MTUS1: variants seen among roughly 807,000 people sequenced by gnomAD.
MTUS1 encodes microtubule-associated tumor suppressor 1.
MTUS1 carries 109 observed loss-of-function variants against 120.8 expected under a neutral mutation model. The observed-to-expected ratio is 0.90, with a 90% confidence interval of 0.77 to 1.06. The LOEUF (loss-of-function observed/expected upper bound fraction) is 1.06. Among genes scored for constraint, MTUS1 ranks in the 50% least tolerant of loss-of-function variants. The pLI, the probability that MTUS1 is intolerant of heterozygous loss-of-function variation, is 0.00. For synonymous variants in MTUS1, 737 were observed against 550.5 expected (o/e 1.34, Z -4.74); for missense variants, 2,210 against 1,486.3 (o/e 1.49, Z -8.01).
chr8:17,703,209 C>T (rs565511172), intron 6 of MTUS1, among the ~76,000 whole-genome samples: 595 of 152,202 alleles, frequency 3.9e-3, no homozygotes, highest in Non-Finnish European at 6.6e-3. Context: ...TATAAATGGA[C>T]GTGCGAGTAG....
intron 8 of MTUS1, among the ~76,000 whole-genome samples, chr8:17,665,926 C>T (rs1467252702): frequency 6.6e-6 from 1 of 152,084 alleles, no homozygotes. Flanking sequence ...ACCCAGCCAG[C>T]CTGTCTTCCA....
chr8:17,656,012 T>C lies in MTUS1; in HGVS notation c.2959A>G (p.Thr987Ala). The C allele has an allele frequency of 5.6e-6, 9 of 1,614,036 alleles. No homozygotes were observed. Among genetic ancestry groups the C allele is most frequent in the Non-Finnish European group, 6.8e-6 (8 of 1,179,854 alleles). Residue 987 changes from threonine (T) to alanine (A), a missense_variant, in exon 9 of 15, where the codon ACA becomes GCA. By Grantham distance (58) the Thr-to-Ala change is moderately conservative. Coordinates refer to ENST00000693296, the MANE Select transcript of MTUS1 (RefSeq NM_001363059.2). ...KLEKARNELQ[T>A]VYEAFVQQHQ... ...TGCTGGACGAATGCTTCATACACTG[T>C]TTGTAACTCATTCCTGGCTTTTTCT...
intron 2 of MTUS1, among the ~76,000 whole-genome samples, chr8:17,748,428 C>T (rs2047933685): frequency 6.6e-6 from 1 of 152,164 alleles, no homozygotes. Flanking sequence ...AGCTTGGGAC[C>T]CACCAACTTT....
intron 2 of MTUS1, among the ~76,000 whole-genome samples, chr8:17,744,541 C>CT (rs1161400625): frequency 5.3e-5 from 8 of 152,112 alleles, no homozygotes; most frequent in Admixed American, 5.2e-4. Flanking sequence ...CTGCCTCAGC[C>CT]TCCTGAGTAG....
In MTUS1 at chr8:17,795,633, C is replaced by T. The variant is rs2052162227; in HGVS notation, c.-155+5428G>A. Among the ~76,000 whole-genome samples the T allele has an allele frequency of 2.0e-5, 3 of 152,160 alleles. No homozygotes were observed. In the South Asian group the frequency reaches 6.2e-4, roughly 32 times the overall value. Reference sequence around the variant, plus strand: ...TTTATTTATGTAGCTAATGTGTATACAAGAATATTCCTTTTATTCCTTTTT... The same window carrying T: ...TTTATTTATGTAGCTAATGTGTATATAAGAATATTCCTTTTATTCCTTTTT... On this transcript the variant is annotated intron_variant, in intron 1 of 14. Transcript: ENST00000693296.
At chr8:17,737,643 T>C (rs1314551017) in intron 3 of MTUS1, among the ~76,000 whole-genome samples, 1 of 152,130 alleles carries the variant, frequency 6.6e-6, no homozygotes. Context: ...GTGTGCCACT[T>C]GCCCAGCTAA....
chr8:17,775,587 T>C (rs1314396526), intron 1 of MTUS1, among the ~76,000 whole-genome samples: 1 of 152,238 alleles, frequency 6.6e-6, no homozygotes, highest in Non-Finnish European at 1.5e-5. Context: ...TTTGTTAAAA[T>C]CTTCAATGAA....
At chr8:17,743,882 C>A in intron 2 of MTUS1, 83 bp from the exon 3 acceptor site, 2 of 1,199,508 alleles carry the variant, frequency 1.7e-6, no homozygotes, top group Non-Finnish European at 2.4e-6. Flanking sequence ...TCCTCTAGGC[C>A]AAGGCAATTC....
intron 4 of MTUS1, chr8:17,721,969 T>A: frequency 6.7e-7 from 1 of 1,495,788 alleles, no homozygotes; most frequent in Non-Finnish European, 8.9e-7. Flanking sequence ...TCCCTCATGC[T>A]TGCTCTTAGT....
At chr8:17,661,596 A>G (rs116883363) in intron 8 of MTUS1, among the ~76,000 whole-genome samples, 1 of 152,270 alleles carries the variant, frequency 6.6e-6, no homozygotes, top group East Asian at 1.9e-4. Context: ...GGATACACAG[A>G]AGTCCTTTCC....
chr8:17,691,546 A>G (rs1440447126), intron 6 of MTUS1, among the ~76,000 whole-genome samples: 1 of 152,242 alleles, frequency 6.6e-6, no homozygotes, highest in African/African-American at 2.4e-5. Flanking sequence ...GACTGCTTTC[A>G]AGGAGGCTGA....
chr8:17,741,658 A>G (rs2047327858), intron 3 of MTUS1, among the ~76,000 whole-genome samples: 1 of 152,196 alleles, frequency 6.6e-6, no homozygotes, highest in Non-Finnish European at 1.5e-5. Context: ...GATCGCCTAC[A>G]TAAAAGGATT....
intron 6 of MTUS1, among the ~76,000 whole-genome samples, chr8:17,696,535 TA>T (rs997640308): frequency 2.0e-5 from 3 of 152,146 alleles, no homozygotes; most frequent in African/African-American, 7.2e-5. Flanking sequence ...ACTGTAGCTG[TA>T]AAATCATCTA....
In MTUS1 at chr8:17,667,971, C is replaced by T. The variant is rs568094447; in HGVS notation, c.2905+7215G>A. Among the ~76,000 whole-genome samples the T allele has an allele frequency of 3.9e-5, 6 of 152,132 alleles. No homozygotes were observed. The South Asian group carries it at 1.2e-3, about 32-fold the overall frequency. ...TCTTTTTACACTATTATAGGAAGGG[C>T]AAGCATTTTTAGTGAATTAAGGATT... On this transcript the variant is annotated intron_variant, in intron 8 of 14. Transcript: ENST00000693296.
intron 6 of MTUS1, among the ~76,000 whole-genome samples, chr8:17,705,372 A>G (rs1486174129): frequency 6.6e-6 from 1 of 152,112 alleles, no homozygotes; most frequent in Non-Finnish European, 1.5e-5. Flanking sequence ...TTTCTACTTA[A>G]GTCTATATTC....
At chr8:17,688,188 G>A (rs977614452) in intron 6 of MTUS1, among the ~76,000 whole-genome samples, 1 of 152,158 alleles carries the variant, frequency 6.6e-6, no homozygotes, top group Non-Finnish European at 1.5e-5. Flanking sequence ...CCACTTTTGT[G>A]TATACTCACT....
intron 3 of MTUS1, among the ~76,000 whole-genome samples, chr8:17,735,443 A>G (rs980343252): frequency 6.6e-5 from 10 of 152,180 alleles, no homozygotes; most frequent in Admixed American, 1.3e-4. Flanking sequence ...TTGTGTCTAC[A>G]TTATTAGAAC....
At chr8:17,690,801 G>A (rs1227039989) in intron 6 of MTUS1, among the ~76,000 whole-genome samples, 1 of 152,104 alleles carries the variant, frequency 6.6e-6, no homozygotes. Context: ...CATAATTGCT[G>A]ATGTTTATAA....
chr8:17,786,922 G>A (rs376985173), intron 1 of MTUS1, among the ~76,000 whole-genome samples: 9 of 152,168 alleles, frequency 5.9e-5, no homozygotes, highest in African/African-American at 1.9e-4. Flanking sequence ...AGCATATACT[G>A]TTTTGTATCA....
Sources: allele counts gnomAD v4.1 joint callset (sites outside exome capture counted in the v4.1 genomes callset), GRCh38; gene constraint gnomAD v4.1.1; transcripts MANE v1.5; gene names NCBI Gene and HGNC (gene_info 2026-07-23, HGNC 2026-07-21).